Variants in MIIP observed in about 807,000 individuals in gnomAD.
MIIP encodes the protein migration and invasion-inhibitory protein.
In MIIP, 44 loss-of-function variants were observed where a neutral mutation model predicts 44.8. The ratio of observed to expected loss-of-function variants is 0.98; its 90% confidence interval spans 0.77 to 1.26. The LOEUF (loss-of-function observed/expected upper bound fraction) is 1.26, where lower values mean the gene tolerates loss of function less well. Ranked by LOEUF, MIIP falls within the 50% of genes most tolerant of loss-of-function variation. The pLI is 0.00. For missense variants in MIIP, 496 were observed against 511.7 expected (o/e 0.97, Z 0.30); for synonymous variants, 225 against 218.3 (o/e 1.03, Z -0.27).
chr1:12,030,624 A>G (rs1468216751), intron 8 of MIIP, among the ~76,000 whole-genome samples: 1 of 128,548 alleles, frequency 7.8e-6, no homozygotes, highest in East Asian at 2.3e-4. Flanking sequence ...GTGCATTGGC[A>G]TGGTCTCAGC....
In MIIP at chr1:12,029,075, C is replaced by T; in HGVS notation, c.590C>T (p.Ala197Val). ...TCTTCCATCACCAGCCAGCCTGAGGCCTTCTTCTCCAAGCTGCAGGAGTTT... is the reference window on the plus strand; with the variant it reads ...TCTTCCATCACCAGCCAGCCTGAGGTCTTCTTCTCCAAGCTGCAGGAGTTT... ...TSSSITSQPE[A>V]FFSKLQEFRE... is the part of the protein sequence containing the mutation. Residue 197 changes from alanine to valine, a missense_variant, in exon 5 of 10, where the codon GCC becomes GTC. Physicochemically the swap from Ala to Val is moderately conservative, Grantham distance 64. Transcript: ENST00000235332. 1 of 1,614,174 alleles carries T rather than the reference C, an allele frequency of 6.2e-7. No homozygotes were observed. The highest frequency in any genetic ancestry group is 1.1e-5 in the South Asian group (1 of 91,090).
In MIIP at chr1:12,029,786, A is replaced by G. The variant is rs772251426; in HGVS notation, c.737A>G (p.Asn246Ser). 7.4e-6 allele frequency: 12 copies of G among 1,613,124 alleles called. No homozygotes were observed. The African/African-American group carries it at 8.0e-5, about 11-fold the overall frequency. The change falls in exon 7 of 10, where the codon AAC becomes AGC. Residue 246 changes from asparagine (N) to serine (S), a missense_variant. By Grantham distance (46) the Asn-to-Ser change is conservative (BLOSUM62 1). Transcript: ENST00000235332. ...GCAGGCGTGTACTGTTACCGTGTCA[A>G]CCGGCGCCTGTTCCCGGTGCCTGTG... ...DHECVYCYRV[N>S]RRLFPVPVDP...
intron 4 of MIIP, among the ~76,000 whole-genome samples, chr1:12,025,552 A>G (rs1171881744): frequency 6.6e-6 from 1 of 152,128 alleles, no homozygotes; most frequent in Non-Finnish European, 1.5e-5. Flanking sequence ...AAACATGGGA[A>G]TCAGATCATG....
chr1:12,029,974 G>T (rs1056215231), intron 7 of MIIP, 54 bp from the exon 8 acceptor site: 2 of 1,610,222 alleles, frequency 1.2e-6, no homozygotes, highest in East Asian at 4.5e-5. Context: ...CCTGGGCGTG[G>T]GCCCCCAACC....
chr1:12,022,406 G>A lies in MIIP; in HGVS notation c.426G>A (p.Pro142=), dbSNP rs372378686. Residue 142 remains proline (P), a synonymous_variant, in exon 3 of 10, where the codon CCG becomes CCA. Coordinates refer to ENST00000235332, the MANE Select transcript of MIIP (RefSeq NM_021933.4). ...GDPGPQEAQT[P]RSILAQQSKL... is the part of the protein sequence containing the mutation. ...CAGGACCCCAGGAGGCACAGACCCC[G>A]AGGTCCATCCTGGCTCAACAGAGCA... 15 of 1,599,158 alleles carry A rather than the reference G, an allele frequency of 9.4e-6. No individual in the cohort carries two copies. The highest frequency in any genetic ancestry group is 3.5e-5 in the Admixed American group (2 of 56,612).
intron 8 of MIIP, among the ~76,000 whole-genome samples, chr1:12,030,846 C>A (rs1640227194): frequency 1.3e-5 from 2 of 151,772 alleles, no homozygotes; most frequent in Admixed American, 1.3e-4. Flanking sequence ...CCCCCTGACT[C>A]CTAAATTGAG....
Position 12,022,244 on chromosome 1 carries a change from C to T in MIIP, c.264C>T (p.Ala88=). 6.2e-7 allele frequency: 1 copy of T among 1,613,266 alleles called. No homozygotes were observed. The highest frequency in any genetic ancestry group is 8.5e-7 in the Non-Finnish European group (1 of 1,179,664). Residue 88 remains alanine, a synonymous_variant, in exon 3 of 10, where the codon GCC becomes GCT. Transcript: ENST00000235332. ...DACRGDLRDV[A]RSGVASLPPA... ...GTCGAGGGGACCTCCGTGATGTGGC[C>T]AGATCGGGGGTGGCCTCTCTCCCAC...
intron 7 of MIIP, 42 bp from the exon 8 acceptor site, chr1:12,029,986 C>T (rs1337700535): frequency 1.9e-6 from 3 of 1,610,772 alleles, no homozygotes; most frequent in Non-Finnish European, 2.5e-6. Flanking sequence ...CCCCCAACCG[C>T]TGGGAGGCTC....
chr1:12,031,889 C>T lies in MIIP; in HGVS notation c.*81C>T, dbSNP rs546283307. On this transcript the variant is annotated 3_prime_UTR_variant, in exon 10 of 10. Coordinates refer to ENST00000235332, the MANE Select transcript of MIIP (RefSeq NM_021933.4). The stretch of plus-strand genomic sequence containing the variant: ...GCAGGCGCACCCAGGAGATGGAATC[C>T]CCTGCCCGCCCAGCTCAGGCCCAGC... 1.6e-4 allele frequency: 220 copies of T among 1,373,518 alleles called. 1 individual carries two copies. The African/African-American group carries it at 3.0e-3, about 18-fold the overall frequency. 85.1% of individuals were successfully genotyped at this position (1,373,518 alleles called of 1,614,324 possible).
intron 1 of MIIP, 37 bp from the exon 2 acceptor site, chr1:12,021,608 C>T: frequency 1.2e-6 from 1 of 817,792 alleles, no homozygotes; most frequent in Non-Finnish European, 2.0e-6. Flanking sequence ...CCACAGGGCA[C>T]CCTACTGAGC....
intron 6 of MIIP, chr1:12,029,509 C>T: frequency 1.5e-6 from 1 of 682,518 alleles, no homozygotes; most frequent in Non-Finnish European, 2.5e-6. Flanking sequence ...GTGGCACCAT[C>T]CCACCCTCCC....
chr1:12,031,968 A>G lies in MIIP; in HGVS notation c.*160A>G, dbSNP rs1251584980. On this transcript the variant is annotated 3_prime_UTR_variant, in exon 10 of 10. Transcript: ENST00000235332. ...CAAGCTTGTCTGCTGCCTGAGTTCC[A>G]GAGAGGGAGGACCCTGGGGTGGAGG... The G allele has an allele frequency of 8.9e-6, 6 of 673,968 alleles. No homozygotes were observed. Among genetic ancestry groups the G allele is most frequent in the African/African-American group, 7.3e-5 (4 of 55,086 alleles). 41.7% of individuals were successfully genotyped at this position (673,968 alleles called of 1,614,324 possible).
Position 12,022,209 on chromosome 1 carries a change from C to G in MIIP, c.229C>G (p.Pro77Ala). The change falls in exon 3 of 10, where the codon CCA becomes GCA. Residue 77 changes from proline to alanine, a missense_variant. Pro to Ala is a conservative substitution (Grantham distance 27). Coordinates refer to ENST00000235332, the MANE Select transcript of MIIP (RefSeq NM_021933.4). ...GGGCCGGTCCTCCGTGTGGGGCCCACCAGATGCCTGTCGAGGGGACCTCCG... is the reference window on the plus strand; with the variant it reads ...GGGCCGGTCCTCCGTGTGGGGCCCAGCAGATGCCTGTCGAGGGGACCTCCG... ...PRGRSSVWGPPDACRGDLRDV... is the reference protein window; with the variant it reads ...PRGRSSVWGPADACRGDLRDV... 2 of 1,613,194 alleles carry G rather than the reference C, an allele frequency of 1.2e-6. No individual in the cohort carries two copies. Among genetic ancestry groups the G allele is most frequent in the African/African-American group, 1.3e-5 (1 of 75,056 alleles).
chr1:12,029,969 G>A lies in MIIP; in HGVS notation c.846-59G>A, dbSNP rs1365249348. 4 of 1,610,384 alleles carry A rather than the reference G, an allele frequency of 2.5e-6. No homozygotes were observed. In the East Asian group the frequency reaches 8.9e-5, roughly 36 times the overall value. On this transcript the variant is annotated intron_variant, in intron 7 of 9. Transcript: ENST00000235332. Reference sequence around the variant, plus strand: ...TGGTTTTAAGAAAAGATGGGCCTGGGCGTGGGCCCCCAACCGCTGGGAGGC... The same window carrying A: ...TGGTTTTAAGAAAAGATGGGCCTGGACGTGGGCCCCCAACCGCTGGGAGGC...
Position 12,029,984 on chromosome 1 carries a change from C to T in MIIP, c.846-44C>T, listed in dbSNP as rs563940146. 124 of 1,610,050 alleles carry T rather than the reference C, an allele frequency of 7.7e-5. No homozygotes were observed. The East Asian group carries it at 1.3e-3, about 17-fold the overall frequency. On this transcript the variant is annotated intron_variant, in intron 7 of 9. Coordinates refer to ENST00000235332, the MANE Select transcript of MIIP (RefSeq NM_021933.4). ...ATGGGCCTGGGCGTGGGCCCCCAAC[C>T]GCTGGGAGGCTCCTCAGGGGTCCCC...
chr1:12,026,448 C>T (rs1049903171), intron 4 of MIIP, among the ~76,000 whole-genome samples: 4 of 152,204 alleles, frequency 2.6e-5, no homozygotes, highest in African/African-American at 9.6e-5. Context: ...GTCCCAGTAC[C>T]TGCTCTTGGT....
Position 12,030,035 on chromosome 1 carries a change from A to C in MIIP, c.853A>C (p.Ile285Leu). 1 of 1,613,466 alleles carries C rather than the reference A, an allele frequency of 6.2e-7. No homozygotes were observed. The highest frequency in any genetic ancestry group is 8.5e-7 in the Non-Finnish European group (1 of 1,179,882). ...LAQPAHVRVS[I>L]PLSILEPPHR... ...CACTGCCCCCCTGCGCAGGGTGAGC[A>C]TCCCGCTGTCGATCCTGGAGCCCCC... The change falls in exon 8 of 10, where the codon ATC (isoleucine) becomes CTC (leucine). Residue 285 changes from isoleucine (I) to leucine (L), a missense_variant. Ile to Leu is a conservative substitution (Grantham distance 5). Transcript: ENST00000235332.
At chr1:12,025,039 T>G (rs923634425) in intron 4 of MIIP, among the ~76,000 whole-genome samples, 2 of 140,218 alleles carry the variant, frequency 1.4e-5, no homozygotes, top group Non-Finnish European at 3.1e-5. Context: ...TTTTTTTTTT[T>G]GTTTTTTGTT....
At chr1:12,022,741 TTAAGACA>T (rs1235039751) in intron 3 of MIIP, 85 bp from the exon 4 acceptor site, 1 of 1,030,800 alleles carries the variant, frequency 9.7e-7, no homozygotes, top group Admixed American at 2.1e-5. Context: ...AGGGTGTAAG[TTAAGACA>T]CAGTCTCTCT....
Sources: gnomAD v4.1 joint callset for allele counts (sites outside exome capture counted in the v4.1 genomes callset) on GRCh38, gnomAD v4.1.1 for gene constraint, MANE v1.5 for transcripts, NCBI Gene and HGNC (gene_info 2026-07-23, HGNC 2026-07-21) for gene names.